TACR1: variants seen among roughly 807,000 people sequenced by gnomAD.
The protein encoded by TACR1 is tachykinin receptor 1.
Under a neutral mutation model 35.8 loss-of-function variants are expected in TACR1, and 25 were observed. The observed-to-expected ratio is 0.70, with a 90% CI of 0.51 to 0.98. The LOEUF (loss-of-function observed/expected upper bound fraction) is 0.98, where lower values mean the gene tolerates loss of function less well. TACR1 is among the 50% of genes least tolerant of loss of function. The pLI is 0.00. For synonymous variants in TACR1, 195 were observed against 206.7 expected (o/e 0.94, Z 0.48); for missense variants, 478 against 522.9 (o/e 0.91, Z 0.84).
intron 1 of TACR1, among the ~76,000 whole-genome samples, chr2:75,131,646 A>G (rs1398977502): frequency 2.6e-5 from 4 of 152,202 alleles, no homozygotes; most frequent in Non-Finnish European, 5.9e-5. Flanking sequence ...AAACTGTGGT[A>G]TCTTACTAAT....
intron 2 of TACR1, among the ~76,000 whole-genome samples, chr2:75,090,462 G>T (rs1394905417): frequency 6.6e-6 from 1 of 152,120 alleles, no homozygotes; most frequent in Non-Finnish European, 1.5e-5. Flanking sequence ...AGCTTCACCT[G>T]CATGACAAAA....
chr2:75,077,853 T>C (rs1673010975), intron 2 of TACR1, among the ~76,000 whole-genome samples: 1 of 152,198 alleles, frequency 6.6e-6, no homozygotes, highest in Admixed American at 6.5e-5. Context: ...CTCTTTCCTT[T>C]CTCCTCCAAT....
At chr2:75,065,028 G>C (rs1030831084) in intron 2 of TACR1, among the ~76,000 whole-genome samples, 7 of 152,216 alleles carry the variant, frequency 4.6e-5, no homozygotes, top group African/African-American at 1.7e-4. Flanking sequence ...AGCCTGGCAA[G>C]ATGATATCAG....
intron 2 of TACR1, among the ~76,000 whole-genome samples, chr2:75,113,532 C>CTTTTTTTTT (rs11437762): frequency 3.2e-3 from 295 of 92,032 alleles, no homozygotes; most frequent in East Asian, 3.9e-3. Flanking sequence ...TTTCTTCTTC[C>CTTTTTTTTT]TTTTTTTTTT....
intron 1 of TACR1, among the ~76,000 whole-genome samples, chr2:75,138,765 A>ATTC (rs201085256): frequency 0.34 from 45,537 of 134,588 alleles, 7,615 homozygotes; most frequent in Non-Finnish European, 0.41. Flanking sequence ...CTACTCATTC[A>ATTC]ATCATTCATT....
intron 2 of TACR1, among the ~76,000 whole-genome samples, chr2:75,059,895 T>C (rs1477421088): frequency 6.6e-6 from 1 of 152,092 alleles, no homozygotes; most frequent in East Asian, 1.9e-4. Flanking sequence ...TTTTACTTCC[T>C]GGAAAAAAAA....
rs746915919 is a variant in TACR1, at chr2:75,053,705, A to G, written c.635T>C (p.Ile212Thr). The G allele has an allele frequency of 3.5e-5, 57 of 1,613,994 alleles. No individual in the cohort carries two copies. The highest frequency in any genetic ancestry group is 4.5e-5 in the Non-Finnish European group (53 of 1,180,006). The change falls in exon 3 of 5, where the codon ATT becomes ACT. Residue 212 changes from isoleucine (I) to threonine (T), a missense_variant. By Grantham distance (89) the Ile-to-Thr change is moderately conservative. Coordinates refer to ENST00000305249, the MANE Select transcript of TACR1 (RefSeq NM_001058.4). ...VLIYFLPLLV[I>T]GYAYTVVGIT... ...TCCCACTACGGTGTATGCATAGCCA[A>G]TCACCAGCAGGGGGAGGAAGTAGAT...
intron 1 of TACR1, among the ~76,000 whole-genome samples, chr2:75,152,276 C>G (rs1449587281): frequency 6.6e-6 from 1 of 152,150 alleles, no homozygotes; most frequent in Non-Finnish European, 1.5e-5. Flanking sequence ...CTACCCAAAC[C>G]TCAATTTGAT....
At chr2:75,108,726 GA>G (rs141245841) in intron 2 of TACR1, among the ~76,000 whole-genome samples, 10,738 of 151,920 alleles carry the variant, frequency 0.071, 760 homozygotes, top group African/African-American at 0.18. Context: ...TGTATTCCTA[GA>G]AAAAAACAGC....
chr2:75,116,637 G>A (rs1266879487), intron 2 of TACR1, among the ~76,000 whole-genome samples: 6 of 152,048 alleles, frequency 3.9e-5, no homozygotes, highest in African/African-American at 7.2e-5. Flanking sequence ...GGCTGGGCAC[G>A]GTGGCTTATG....
intron 2 of TACR1, among the ~76,000 whole-genome samples, chr2:75,099,878 A>G (rs1673500633): frequency 2.0e-5 from 3 of 152,228 alleles, no homozygotes; most frequent in Middle Eastern, 6.8e-3. Context: ...TCACGTTTTT[A>G]TATCCATACC....
intron 2 of TACR1, among the ~76,000 whole-genome samples, chr2:75,076,928 G>A (rs948643629): frequency 5.3e-5 from 8 of 152,126 alleles, no homozygotes; most frequent in African/African-American, 1.9e-4. Flanking sequence ...ACTAGCTTCC[G>A]CTTTACACAG....
At chr2:75,057,958 T>C (rs1350655379) in intron 2 of TACR1, among the ~76,000 whole-genome samples, 1 of 152,208 alleles carries the variant, frequency 6.6e-6, no homozygotes, top group Admixed American at 6.5e-5. Flanking sequence ...GCTGGCATTC[T>C]AGGTTTCCAG....
At chr2:75,147,769 A>T in intron 1 of TACR1, among the ~76,000 whole-genome samples, 1 of 149,486 alleles carries the variant, frequency 6.7e-6, no homozygotes. Flanking sequence ...TCTGATACAG[A>T]GTCTCCCTCT....
rs1369427014 is a variant in TACR1, at chr2:75,198,944, A to G, written c.-10T>C. On this transcript the variant is annotated 5_prime_UTR_variant, in exon 1 of 5. Coordinates refer to ENST00000305249, the MANE Select transcript of TACR1 (RefSeq NM_001058.4). ...GGAGGACGTTATCCATTTCGAAGCT[A>G]GGCGGTAAAGCCCTACTATCTGTAC... is the stretch of plus-strand genomic sequence containing the variant. The G allele has an allele frequency of 5.6e-6, 9 of 1,611,614 alleles. No individual in the cohort carries two copies. The highest frequency in any genetic ancestry group is 1.3e-5 in the African/African-American group (1 of 74,916).
intron 1 of TACR1, among the ~76,000 whole-genome samples, chr2:75,177,513 C>T (rs1425036924): frequency 6.6e-6 from 1 of 152,198 alleles, no homozygotes; most frequent in African/African-American, 2.4e-5. Flanking sequence ...CTGACCATTG[C>T]CTCCTGTCTT....
chr2:75,145,996 C>T lies in TACR1; in HGVS notation c.390-25228G>A, dbSNP rs1264107996. 4.6e-5 allele frequency among the ~76,000 whole-genome samples: 7 copies of T among 152,016 alleles called. No individual in the cohort carries two copies. The East Asian group carries it at 1.2e-3, about 25-fold the overall frequency. On this transcript the variant is annotated intron_variant, in intron 1 of 4. Transcript: ENST00000305249. ...GTGGGGAATGCAAAGAGAAAGTGGC[C>T]AAAGATCAAATCCTAGAGAATATTA... is the stretch of plus-strand genomic sequence containing the variant.
chr2:75,137,577 A>T (rs1674318990), intron 1 of TACR1, among the ~76,000 whole-genome samples: 1 of 151,734 alleles, frequency 6.6e-6, no homozygotes, highest in Non-Finnish European at 1.5e-5. Flanking sequence ...CACAAAATCA[A>T]ACTTAGCTGG....
intron 2 of TACR1, among the ~76,000 whole-genome samples, chr2:75,086,324 A>G (rs1673187947): frequency 6.6e-6 from 1 of 152,216 alleles, no homozygotes; most frequent in South Asian, 2.1e-4. Flanking sequence ...TTTATATTCT[A>G]GTCCATGATA....
Sources: allele counts gnomAD v4.1 joint callset (sites outside exome capture counted in the v4.1 genomes callset), GRCh38; gene constraint gnomAD v4.1.1; transcripts MANE v1.5; gene names NCBI Gene and HGNC (gene_info 2026-07-23, HGNC 2026-07-21).